PTGES: variants seen among roughly 807,000 people sequenced by gnomAD.
PTGES encodes the protein prostaglandin E synthase.
PTGES carries 3 observed loss-of-function variants against 11.8 expected under a neutral mutation model. The ratio of observed to expected loss-of-function variants is 0.25; its 90% CI spans 0.12 to 0.66. The LOEUF (loss-of-function observed/expected upper bound fraction) is 0.66, where lower values mean the gene tolerates loss of function less well. Ranked by LOEUF, PTGES falls within the 30% of genes least tolerant of loss-of-function variation. PTGES has a pLI of 0.82. For synonymous variants in PTGES, 94 were observed against 90.4 expected, an observed-to-expected ratio of 1.04 and a Z score of -0.22; for missense variants, 180 against 213.0, an observed-to-expected ratio of 0.85 and a Z score of 0.96.
intron 2 of PTGES, among the ~76,000 whole-genome samples, chr9:129,744,548 G>C (rs1339256464): frequency 4.0e-5 from 6 of 148,296 alleles, no homozygotes; most frequent in Non-Finnish European, 6.0e-5. Context: ...CTCCAGCCTG[G>C]GCGACAGAGC....
At chr9:129,742,776 G>T (rs1372070336) in intron 2 of PTGES, among the ~76,000 whole-genome samples, 1 of 152,016 alleles carries the variant, frequency 6.6e-6, no homozygotes, top group Non-Finnish European at 1.5e-5. Flanking sequence ...GGAGGCTGAG[G>T]CAGGGGAATC....
rs754606527 is a variant in PTGES at position 129,739,749 on chromosome 9, G to A, written c.321C>T (p.Leu107=). The A allele has an allele frequency of 1.9e-5, 30 of 1,581,958 alleles. No homozygotes were observed. The highest frequency in any genetic ancestry group is 9.1e-5 in the Admixed American group (5 of 55,050). Residue 107 remains leucine, a synonymous_variant, in exon 3 of 3, where the codon CTC becomes CTT. Coordinates refer to ENST00000340607, the MANE Select transcript of PTGES (RefSeq NM_004878.5). The surrounding 1 kb of genome is among the most constrained non-coding windows in gnomAD (Gnocchi z 5.7). Reference sequence around the variant, plus strand: ...CCACGGTGTGTGCCACACGGCCCACGAGGAAGACCAGGAAGTGCATCCAGG... The same window carrying A: ...CCACGGTGTGTGCCACACGGCCCACAAGGAAGACCAGGAAGTGCATCCAGG... The part of the protein sequence containing the change: ...FVAWMHFLVF[L]VGRVAHTVAY...
chr9:129,742,674 C>A (rs1833008861), intron 2 of PTGES, among the ~76,000 whole-genome samples: 2 of 151,890 alleles, frequency 1.3e-5, no homozygotes, highest in Admixed American at 1.3e-4. Context: ...GAGATCGAGA[C>A]CATCCTGGCT....
Position 129,739,969 on chromosome 9 carries a change from C to A in PTGES, c.210-109G>T. On this transcript the variant is annotated intron_variant, in intron 2 of 2. Transcript: ENST00000340607. This position sits in a 1 kb window ranked among gnomAD's most constrained non-coding sequence, Gnocchi z 5.7. ...TGCTTTGACCCACTGGGGGTCATTT[C>A]AGGCATATCACACACTCAAATCCAT... is the stretch of plus-strand genomic sequence containing the variant. 1 of 1,318,682 alleles carries A rather than the reference C, an allele frequency of 7.6e-7. No homozygotes were observed. Among genetic ancestry groups the A allele is most frequent in the Non-Finnish European group, 1.0e-6 (1 of 971,236 alleles). The allele number at this position is 1,318,682 out of a possible 1,614,324, so 81.7% of individuals were successfully genotyped here.
chr9:129,742,686 A>T (rs1003188416), intron 2 of PTGES, among the ~76,000 whole-genome samples: 3 of 151,934 alleles, frequency 2.0e-5, no homozygotes, highest in African/African-American at 7.3e-5. Flanking sequence ...ATCCTGGCTG[A>T]TATGGTGAAA....
At chr9:129,751,343 T>TAA (rs34989168) in intron 1 of PTGES, among the ~76,000 whole-genome samples, 3,733 of 103,246 alleles carry the variant, frequency 0.036, 173 homozygotes, top group African/African-American at 0.13. Context: ...AAATAATAAT[T>TAA]AAAAAAAAAA....
At chr9:129,746,666 G>T (rs1007218328) in intron 2 of PTGES, among the ~76,000 whole-genome samples, 4 of 152,154 alleles carry the variant, frequency 2.6e-5, no homozygotes, top group Non-Finnish European at 5.9e-5. Flanking sequence ...CGCCTGTGAT[G>T]CAGGGGAATG....
intron 1 of PTGES, 110 bp downstream of exon 1, chr9:129,752,777 C>T: frequency 6.5e-7 from 1 of 1,550,354 alleles, no homozygotes; most frequent in South Asian, 1.1e-5. Context: ...GTGCTCACCT[C>T]CCAGCCCTGC....
chr9:129,751,632 T>C (rs1833109864), intron 1 of PTGES, among the ~76,000 whole-genome samples: 2 of 151,434 alleles, frequency 1.3e-5, no homozygotes, highest in East Asian at 1.9e-4. Flanking sequence ...TAAGCAGAGA[T>C]CATGCCGCTG....
Position 129,739,742 on chromosome 9 carries a change from G to T in PTGES, c.328C>A (p.Arg110Ser). ...AGGTAGGCCACGGTGTGTGCCACAC[G>T]GCCCACGAGGAAGACCAGGAAGTGC... ...WMHFLVFLVG[R>S]VAHTVAYLGK... is the part of the protein sequence containing the mutation. Residue 110 changes from arginine (R) to serine (S), a missense_variant, in exon 3 of 3, where the codon CGT (arginine) becomes AGT (serine). Transcript: ENST00000340607. The surrounding 1 kb of genome is among the most constrained non-coding windows in gnomAD (Gnocchi z 5.7). The T allele has an allele frequency of 6.3e-7, 1 of 1,581,258 alleles. No homozygotes were observed. The highest frequency in any genetic ancestry group is 8.6e-7 in the Non-Finnish European group (1 of 1,163,364).
In PTGES at chr9:129,739,557, G is replaced by A; in HGVS notation, c.*54C>T. The A allele has an allele frequency of 3.9e-6, 6 of 1,525,772 alleles. No homozygotes were observed. Among genetic ancestry groups the A allele is most frequent in the Non-Finnish European group, 5.3e-6 (6 of 1,134,322 alleles). The allele number at this position is 1,525,772 out of a possible 1,614,324, so 94.5% of individuals were successfully genotyped here. ...AAGGAACATCAAGTCCCCAGGTATAGCCACGGCGGCTCTTGGCCCATGGTC... is the reference window on the plus strand; with the variant it reads ...AAGGAACATCAAGTCCCCAGGTATAACCACGGCGGCTCTTGGCCCATGGTC... On this transcript the variant is annotated 3_prime_UTR_variant, in exon 3 of 3. Transcript: ENST00000340607. This position sits in a 1 kb window ranked among gnomAD's most constrained non-coding sequence, Gnocchi z 5.7.
intron 1 of PTGES, among the ~76,000 whole-genome samples, chr9:129,750,023 C>T (rs1039752032): frequency 1.3e-5 from 2 of 152,170 alleles, no homozygotes; most frequent in African/African-American, 2.4e-5. Context: ...TGCTGTGTGA[C>T]GAGTGAGAGG....
At chr9:129,748,188 G>T (rs970408876) in intron 2 of PTGES, among the ~76,000 whole-genome samples, 9 of 134,376 alleles carry the variant, frequency 6.7e-5, no homozygotes, top group South Asian at 4.6e-4. Context: ...TCTGTGAGCC[G>T]ATATGGAACA....
At chr9:129,742,662 A>G (rs1833008660) in intron 2 of PTGES, among the ~76,000 whole-genome samples, 1 of 152,106 alleles carries the variant, frequency 6.6e-6, no homozygotes, top group Non-Finnish European at 1.5e-5. Flanking sequence ...TCACGAGGTC[A>G]GGAGATCGAG....
intron 2 of PTGES, among the ~76,000 whole-genome samples, chr9:129,742,710 A>G (rs1833009418): frequency 6.6e-6 from 1 of 151,934 alleles, no homozygotes; most frequent in South Asian, 2.1e-4. Flanking sequence ...CATCTCTACT[A>G]AAAATACAAA....
At chr9:129,751,536 G>A (rs1331297510) in intron 1 of PTGES, among the ~76,000 whole-genome samples, 1 of 151,802 alleles carries the variant, frequency 6.6e-6, no homozygotes, top group Non-Finnish European at 1.5e-5. Flanking sequence ...AAAATTAGCA[G>A]GGCATGGTGG....
In PTGES at chr9:129,739,698, G is replaced by A; in HGVS notation, c.372C>T (p.Pro124=). 6.4e-7 allele frequency: 1 copy of A among 1,568,362 alleles called. No individual in the cohort carries two copies. Among genetic ancestry groups the A allele is most frequent in the Non-Finnish European group, 8.6e-7 (1 of 1,156,818 alleles). Residue 124 remains proline, a synonymous_variant, in exon 3 of 3, where the codon CCC becomes CCT. Transcript: ENST00000340607. The surrounding 1 kb of genome is among the most constrained non-coding windows in gnomAD (Gnocchi z 5.7). ...TVAYLGKLRA[P]IRSVTYTLAQ... is the part of the protein sequence containing the mutation. ...CCAGGGTGTAGGTCACGGAGCGGAT[G>A]GGTGCCCGCAGCTTCCCCAGGTAGG... is the stretch of plus-strand genomic sequence containing the variant.
At chr9:129,740,871 G>C (rs1453419266) in intron 2 of PTGES, among the ~76,000 whole-genome samples, 12 of 152,198 alleles carry the variant, frequency 7.9e-5, no homozygotes, top group Admixed American at 7.9e-4. Context: ...CAGGCCACGC[G>C]TGTGAGGTGC....
At chr9:129,752,537 C>T (rs990723087) in intron 1 of PTGES, among the ~76,000 whole-genome samples, 2 of 152,266 alleles carry the variant, frequency 1.3e-5, no homozygotes, top group African/African-American at 4.8e-5. Context: ...GATATCAGAC[C>T]TCCCGTGCCG....
Sources: allele counts gnomAD v4.1 joint callset (sites outside exome capture counted in the v4.1 genomes callset), GRCh38; gene constraint gnomAD v4.1.1; non-coding constraint Gnocchi (gnomAD v3.1); transcripts MANE v1.5; gene names NCBI Gene and HGNC (gene_info 2026-07-23, HGNC 2026-07-21).